The following IFT56 variants were observed in gnomAD, a reference collection of about 807,000 sequenced individuals.
The protein encoded by IFT56 is intraflagellar transport protein 56.
the IFT56 span, among the ~76,000 whole-genome samples, chr7:139,158,028 A>T: frequency 1.3e-5 from 2 of 151,618 alleles, no homozygotes; most frequent in East Asian, 3.9e-4. Context: ...AATCATACCT[A>T]CCCGGCCAGG....
the IFT56 span, chr7:139,147,112 C>A: frequency 1.2e-6 from 2 of 1,608,586 alleles, no homozygotes; most frequent in Non-Finnish European, 1.7e-6. Context: ...TAATATGAAT[C>A]TTTACATGTC....
chr7:139,187,363 A>G, the IFT56 span: 3 of 1,601,418 alleles, frequency 1.9e-6, no homozygotes, highest in South Asian at 1.1e-5. Flanking sequence ...TTTCTGTGCA[A>G]TCTCTTTACT....
At chr7:139,138,966 A>G in the IFT56 span, among the ~76,000 whole-genome samples, 1 of 151,946 alleles carries the variant, frequency 6.6e-6, no homozygotes, top group African/African-American at 2.4e-5. Flanking sequence ...ATGCGCCACC[A>G]TGCCCGGCTA....
the IFT56 span, among the ~76,000 whole-genome samples, chr7:139,160,732 G>A: frequency 6.6e-3 from 1,007 of 152,228 alleles, 14 homozygotes; most frequent in African/African-American, 0.023. Flanking sequence ...CACTGCGCCC[G>A]GCCCAAGTCA....
chr7:139,133,999 G>A, the IFT56 span: 3 of 1,016,966 alleles, frequency 2.9e-6, no homozygotes, highest in Middle Eastern at 2.3e-4. Flanking sequence ...TCCCACGGGG[G>A]ACAGGGATGC....
chr7:139,150,803 C>T, the IFT56 span, among the ~76,000 whole-genome samples: 1 of 152,206 alleles, frequency 6.6e-6, no homozygotes, highest in African/African-American at 2.4e-5. Context: ...AATTCTTAAA[C>T]TACTTTGAGT....
chr7:139,170,364 C>T, the IFT56 span, among the ~76,000 whole-genome samples: 1 of 152,130 alleles, frequency 6.6e-6, no homozygotes, highest in Non-Finnish European at 1.5e-5. Context: ...TTCTTCAAAA[C>T]CAGTATTGCC....
the IFT56 span, chr7:139,147,116 A>T: frequency 2.5e-6 from 4 of 1,609,994 alleles, no homozygotes; most frequent in Middle Eastern, 1.7e-4. Context: ...ATGAATCTTT[A>T]CATGTCTTTT....
the IFT56 span, among the ~76,000 whole-genome samples, chr7:139,172,225 G>A: frequency 2.6e-5 from 4 of 152,162 alleles, no homozygotes; most frequent in Admixed American, 6.5e-5. Context: ...CCTAACCTAT[G>A]TATGCTTCCA....
the IFT56 span, chr7:139,139,804 A>T: frequency 1.2e-6 from 1 of 809,140 alleles, no homozygotes; most frequent in East Asian, 2.6e-5. Context: ...GCTTAATCTC[A>T]GTATGAAATC....
chr7:139,187,574 A>T, the IFT56 span: 1 of 1,606,210 alleles, frequency 6.2e-7, no homozygotes, highest in East Asian at 2.2e-5. Context: ...ACCTCTACTC[A>T]TTTGCTTGTT....
the IFT56 span, among the ~76,000 whole-genome samples, chr7:139,179,115 C>A: frequency 6.6e-6 from 1 of 152,182 alleles, no homozygotes; most frequent in African/African-American, 2.4e-5. Flanking sequence ...CGAGCTGGCT[C>A]ACACCTATAA....
At chr7:139,150,778 T>A in the IFT56 span, among the ~76,000 whole-genome samples, 1 of 152,354 alleles carries the variant, frequency 6.6e-6, no homozygotes, top group South Asian at 2.1e-4. Flanking sequence ...GGAAATAATT[T>A]GTAATGATTG....
At chr7:139,177,097 G>A in the IFT56 span, among the ~76,000 whole-genome samples, 13 of 151,342 alleles carry the variant, frequency 8.6e-5, no homozygotes, top group South Asian at 1.9e-3. Flanking sequence ...ACTTGAACCC[G>A]GGAGACGAAG....
chr7:139,165,229 G>T, the IFT56 span: 3 of 1,610,292 alleles, frequency 1.9e-6, no homozygotes, highest in Non-Finnish European at 2.5e-6. Context: ...TACTACCTTC[G>T]TCAAGGTAAG....
At chr7:139,179,699 C>T in the IFT56 span, 465 of 1,410,384 alleles carry the variant, frequency 3.3e-4, 3 homozygotes, top group Admixed American at 2.0e-3. Flanking sequence ...TTTTTGGTTG[C>T]ATAATCTGTT....
chr7:139,184,851 G>A, the IFT56 span, among the ~76,000 whole-genome samples: 2 of 150,382 alleles, frequency 1.3e-5, no homozygotes, highest in African/African-American at 5.0e-5. Context: ...TCAGGAGATC[G>A]AGACCATCCT....
At chr7:139,186,789 A>G in the IFT56 span, among the ~76,000 whole-genome samples, 1 of 152,188 alleles carries the variant, frequency 6.6e-6, no homozygotes, top group African/African-American at 2.4e-5. Context: ...GACAATTAGA[A>G]GAAAAGGCAA....
chr7:139,177,610 T>C, the IFT56 span, among the ~76,000 whole-genome samples: 2 of 124,666 alleles, frequency 1.6e-5, no homozygotes, highest in Non-Finnish European at 3.0e-5. Flanking sequence ...CATATATATA[T>C]AGTGTGTGTG....
Sources: allele counts gnomAD v4.1 joint callset (sites outside exome capture counted in the v4.1 genomes callset), GRCh38; gene constraint gnomAD v4.1.1; transcripts MANE v1.5; gene names NCBI Gene and HGNC (gene_info 2026-07-23, HGNC 2026-07-21).